Variants in PRF1 observed in about 807,000 individuals in gnomAD.
PRF1 encodes perforin-1.
In PRF1, 11 loss-of-function variants were observed where a neutral mutation model predicts 11.7. The ratio of observed to expected loss-of-function variants is 0.94; its 90% confidence interval spans 0.59 to 1.56. PRF1 has a LOEUF of 1.56. Ranked by LOEUF, PRF1 falls within the 40% of genes most tolerant of loss-of-function variation. The probability of loss-of-function intolerance (pLI) is 0.00; values close to 1 mark genes in which losing one functional copy is unlikely to be tolerated. For synonymous variants in PRF1, 314 were observed against 327.8 expected (o/e 0.96, Z 0.45); for missense variants, 729 against 751.0 (o/e 0.97, Z 0.34).
Position 70,598,915 on chromosome 10 carries a change from T to G in PRF1, c.806A>C (p.His269Pro), listed in dbSNP as rs761293997. The G allele has an allele frequency of 1.9e-6, 3 of 1,614,244 alleles. No individual in the cohort carries two copies. The highest frequency in any genetic ancestry group is 2.5e-6 in the Non-Finnish European group (3 of 1,180,036). ...TVEAQVNIGI[H>P]GSISAEAKAC... is the part of the protein sequence containing the mutation. ...CTTGGCTTCGGCAGAGATGCTGCCG[T>G]GGATGCCTATGTTGACCTGGGCCTC... The change falls in exon 3 of 3, where the codon CAC (histidine) becomes CCC (proline). Residue 269 changes from histidine (H) to proline (P), a missense_variant. Transcript: ENST00000441259.
intron 1 of PRF1, among the ~76,000 whole-genome samples, chr10:70,601,316 G>A (rs1848226692): frequency 6.6e-6 from 1 of 152,178 alleles, no homozygotes; most frequent in African/African-American, 2.4e-5. Flanking sequence ...CTGAAGAAGT[G>A]TCATTTTTGG....
Position 70,598,799 on chromosome 10 carries a change from GA to G in PRF1, c.921del (p.His308ThrfsTer22), listed in dbSNP as rs777345151. ...RERHSEVVGG[H>X]HTSINDLLFG... is the part of the protein sequence containing the mutation. ...AACAGCAGGTCGTTAATGGAGGTGT[GA>G]TGGCCGCCAACCACTTCCGAGTGGC... On this transcript the variant is annotated frameshift_variant, in exon 3 of 3. Transcript: ENST00000441259. LOFTEE classifies it low-confidence loss of function (END_TRUNC). 18 of 1,614,148 alleles carry G rather than the reference GA, an allele frequency of 1.1e-5. No individual in the cohort carries two copies. In the South Asian group the frequency reaches 2.0e-4, roughly 18 times the overall value.
rs573468737 is a variant in PRF1, at chr10:70,597,877, T to A, written c.*176A>T. ...AAAAAAAATAGCAAAAAGAAACTCATAATGTTTTAAGAAAGTTTGCGAATT... is the reference window on the plus strand; with the variant it reads ...AAAAAAAATAGCAAAAAGAAACTCAAAATGTTTTAAGAAAGTTTGCGAATT... On this transcript the variant is annotated 3_prime_UTR_variant, in exon 3 of 3. Coordinates refer to ENST00000441259, the MANE Select transcript of PRF1 (RefSeq NM_001083116.3). The A allele has an allele frequency of 2.2e-5, 16 of 726,392 alleles. No individual in the cohort carries two copies. The highest frequency in any genetic ancestry group is 2.9e-5 in the Non-Finnish European group (13 of 442,246). 45.0% of individuals were successfully genotyped at this position (726,392 alleles called of 1,614,324 possible). A position where few individuals can be genotyped will look rare whatever the true frequency, so the allele number is the denominator to read the frequency against.
At chr10:70,602,323 C>T (rs1392205345) in intron 1 of PRF1, among the ~76,000 whole-genome samples, 1 of 152,174 alleles carries the variant, frequency 6.6e-6, no homozygotes, top group Non-Finnish European at 1.5e-5. Flanking sequence ...AGCTAGGAGG[C>T]GGGCACAGTC....
At chr10:70,601,134 AG>A (rs1848224656) in intron 1 of PRF1, among the ~76,000 whole-genome samples, 1 of 152,186 alleles carries the variant, frequency 6.6e-6, no homozygotes. Context: ...AGCCCAGCCA[AG>A]GGGAGCCCCT....
In PRF1 at chr10:70,600,687, G is replaced by A. The variant is rs1457560443; in HGVS notation, c.216C>T (p.Thr72=). ...DTQRFLRPDG[T]CTLCENALQE... ...GTAGGGCATTTTCACAGAGGGTGCA[G>A]GTGCCGTCGGGCCGCAGGAACCTTT... is the stretch of plus-strand genomic sequence containing the variant. The change falls in exon 2 of 3, where the codon ACC becomes ACT. Residue 72 remains threonine (T), a synonymous_variant. Transcript: ENST00000441259. The surrounding 1 kb of genome is among the most constrained non-coding windows in gnomAD (Gnocchi z 4.9). 4 of 1,613,786 alleles carry A rather than the reference G, an allele frequency of 2.5e-6. No homozygotes were observed. In the East Asian group the frequency reaches 6.7e-5, roughly 27 times the overall value.
At chr10:70,599,843 G>A (rs150509725) in intron 2 of PRF1, among the ~76,000 whole-genome samples, 1 of 152,196 alleles carries the variant, frequency 6.6e-6, no homozygotes, top group Non-Finnish European at 1.5e-5. Flanking sequence ...GTGGAATATG[G>A]GTCCCATACT....
rs867744033 is a variant in PRF1, at chr10:70,597,748, C to G, written c.*305G>C. On this transcript the variant is annotated 3_prime_UTR_variant, in exon 3 of 3. Coordinates refer to ENST00000441259, the MANE Select transcript of PRF1 (RefSeq NM_001083116.3). ...ATCTCCCTTTTCCATCTGTCTGATGCGTATCCAATCTTTTGGCTTCTCTGG... is the reference window on the plus strand; with the variant it reads ...ATCTCCCTTTTCCATCTGTCTGATGGGTATCCAATCTTTTGGCTTCTCTGG... 3 of 601,602 alleles carry G rather than the reference C, an allele frequency of 5.0e-6. No individual in the cohort carries two copies. The highest frequency in any genetic ancestry group is 2.9e-6 in the Non-Finnish European group (1 of 340,112). The allele number at this position is 601,602 out of a possible 1,614,324, so 37.3% of individuals were successfully genotyped here. A position where few individuals can be genotyped will look rare whatever the true frequency, so the allele number is the denominator to read the frequency against.
At chr10:70,599,826 C>G (rs542072929) in intron 2 of PRF1, among the ~76,000 whole-genome samples, 5 of 152,346 alleles carry the variant, frequency 3.3e-5, no homozygotes, top group Admixed American at 2.0e-4. Context: ...CTGTGCCTTT[C>G]TCAGACGTGG....
chr10:70,599,471 C>T (rs192240722), intron 2 of PRF1, among the ~76,000 whole-genome samples: 4 of 152,222 alleles, frequency 2.6e-5, no homozygotes, highest in South Asian at 2.1e-4. Flanking sequence ...TGATCCTGGC[C>T]GGGAGCAGTG....
intron 1 of PRF1, among the ~76,000 whole-genome samples, chr10:70,601,489 C>T (rs1402379197): frequency 2.6e-5 from 4 of 152,018 alleles, no homozygotes; most frequent in Non-Finnish European, 5.9e-5. Flanking sequence ...TTGGGGCTCT[C>T]CCTCTGAGCT....
Position 70,598,760 on chromosome 10 carries a change from C to A in PRF1, c.961G>T (p.Gly321Trp). 1 of 1,614,244 alleles carries A rather than the reference C, an allele frequency of 6.2e-7. No homozygotes were observed. The highest frequency in any genetic ancestry group is 8.5e-7 in the Non-Finnish European group (1 of 1,180,044). ...ACCCAGGCTGAGTACTGCTCGGGCC[C>A]GGCCTGGATCCCGAACAGCAGGTCG... ...INDLLFGIQA[G>W]PEQYSAWVNS... The change falls in exon 3 of 3, where the codon GGG becomes TGG. Residue 321 changes from glycine (G) to tryptophan (W), a missense_variant. Coordinates refer to ENST00000441259, the MANE Select transcript of PRF1 (RefSeq NM_001083116.3).
In PRF1 at chr10:70,598,251, G is replaced by A. The variant is rs759727585; in HGVS notation, c.1470C>T (p.Asp490=). The A allele has an allele frequency of 3.8e-5, 62 of 1,614,062 alleles. No individual in the cohort carries two copies. Among genetic ancestry groups the A allele is most frequent in the Non-Finnish European group, 3.6e-5 (42 of 1,180,040 alleles). ...LQVWDQDSGR[D]DDLLGTCDQA... ...GATCACAGGTGCCAAGGAGGTCATC[G>A]TCCCTGCCAGAGTCCTGATCCCAGA... is the stretch of plus-strand genomic sequence containing the variant. Residue 490 remains aspartate (D), a synonymous_variant, in exon 3 of 3, where the codon GAC becomes GAT. Coordinates refer to ENST00000441259, the MANE Select transcript of PRF1 (RefSeq NM_001083116.3).
Position 70,598,899 on chromosome 10 carries a change from G to C in PRF1, c.822C>G (p.Ala274=), listed in dbSNP as rs885821. 6.2e-7 allele frequency: 1 copy of C among 1,614,038 alleles called. No homozygotes were observed. Among genetic ancestry groups the C allele is most frequent in the Non-Finnish European group, 8.5e-7 (1 of 1,180,030 alleles). Residue 274 remains alanine, a synonymous_variant, in exon 3 of 3, where the codon GCC becomes GCG. Transcript: ENST00000441259. ...VNIGIHGSIS[A]EAKACEEKKK... ...TCTTCTCCTCACAGGCCTTGGCTTC[G>C]GCAGAGATGCTGCCGTGGATGCCTA... is the stretch of plus-strand genomic sequence containing the variant.
rs1350760396 is a variant in PRF1 at position 70,598,132 on chromosome 10, C to T, written c.1589G>A (p.Gly530Glu). The T allele has an allele frequency of 1.2e-6, 2 of 1,614,180 alleles. No homozygotes were observed. The highest frequency in any genetic ancestry group is 2.2e-5 in the East Asian group (1 of 44,868). Residue 530 changes from glycine (G) to glutamate (E), a missense_variant, in exon 3 of 3, where the codon GGA (glycine) becomes GAA (glutamate). By Grantham distance (98) the Gly-to-Glu change is moderately conservative. Coordinates refer to ENST00000441259, the MANE Select transcript of PRF1 (RefSeq NM_001083116.3). ...GACATAGTCCAGGCAGGTGCCTCCT[C>T]CCAGGTGGGGCAAGCACCTGGCATG... ...RYHARCLPHL[G>E]GGTCLDYVPQ...
chr10:70,602,541 G>A (rs959106756), intron 1 of PRF1, 104 bp downstream of exon 1: 2 of 152,240 alleles, frequency 1.3e-5, no homozygotes, highest in African/African-American at 2.4e-5. Context: ...GGCACCGTCT[G>A]TGACCCAGGT....
chr10:70,601,248 G>A (rs1848225716), intron 1 of PRF1, among the ~76,000 whole-genome samples: 1 of 152,176 alleles, frequency 6.6e-6, no homozygotes, highest in African/African-American at 2.4e-5. Flanking sequence ...CAGAAGAGGG[G>A]ACAGAGTAGC....
rs939451363 is a variant in PRF1 at position 70,600,885 on chromosome 10, G to T, written c.18C>A (p.Leu6=). The T allele has an allele frequency of 1.3e-6, 2 of 1,595,212 alleles. No homozygotes were observed. Among genetic ancestry groups the T allele is most frequent in the Non-Finnish European group, 1.7e-6 (2 of 1,172,142 alleles). Reference sequence around the variant, plus strand: ...GCAGCAGGAGAAGGATGCCCAGGAGGAGCAGACGGGCTGCCATGGAGCTGC... The same window carrying T: ...GCAGCAGGAGAAGGATGCCCAGGAGTAGCAGACGGGCTGCCATGGAGCTGC... MAARL[L]LLGILLLLLP... The change falls in exon 2 of 3, where the codon CTC becomes CTA. Residue 6 remains leucine (L), a synonymous_variant. Coordinates refer to ENST00000441259, the MANE Select transcript of PRF1 (RefSeq NM_001083116.3). This position sits in a 1 kb window ranked among gnomAD's most constrained non-coding sequence, Gnocchi z 4.9.
At position 70,597,373 on chromosome 10, in the gene PRF1, C is replaced by T. The variant is rs930094065; in HGVS notation, c.*680G>A. On this transcript the variant is annotated 3_prime_UTR_variant, in exon 3 of 3. Transcript: ENST00000441259. ...TCACCATAACATCATATTTATTGGC[C>T]CTTTATCAAGCTATGTACATGGTGA... 3 of 281,480 alleles carry T rather than the reference C, an allele frequency of 1.1e-5. No homozygotes were observed. Among genetic ancestry groups the T allele is most frequent in the Non-Finnish European group, 2.0e-5 (3 of 151,478 alleles). 17.4% of individuals were successfully genotyped at this position (281,480 alleles called of 1,614,324 possible).
Sources: allele counts gnomAD v4.1 joint callset (sites outside exome capture counted in the v4.1 genomes callset), GRCh38; gene constraint gnomAD v4.1.1; non-coding constraint Gnocchi (gnomAD v3.1); transcripts MANE v1.5; gene names NCBI Gene and HGNC (gene_info 2026-07-23, HGNC 2026-07-21).